Variants in WASHC2A observed in about 807,000 individuals in gnomAD.
WASHC2A encodes WASH complex subunit FAM21A.
Under a neutral mutation model 140.3 loss-of-function variants are expected in WASHC2A, and 82 were observed. That is an observed-to-expected ratio of 0.58 (90% CI 0.49 to 0.70). The LOEUF (loss-of-function observed/expected upper bound fraction) is 0.70. WASHC2A is among the 30% of genes least tolerant of loss of function. WASHC2A has a pLI of 0.00. For synonymous variants in WASHC2A, 340 were observed against 560.8 expected, an observed-to-expected ratio of 0.61 and a Z score of 5.56; for missense variants, 985 against 1,521.8, an observed-to-expected ratio of 0.65 and a Z score of 5.87.
intron 8 of WASHC2A, among the ~76,000 whole-genome samples, chr10:50,088,402 G>A (rs1220883445): frequency 6.7e-6 from 1 of 148,368 alleles, no homozygotes; most frequent in Admixed American, 6.8e-5. Flanking sequence ...GAGTAGCTGG[G>A]ACTATGGGTG....
intron 23 of WASHC2A, among the ~76,000 whole-genome samples, chr10:50,122,812 C>T (rs2133036213): frequency 1.3e-5 from 1 of 74,794 alleles, no homozygotes; most frequent in East Asian, 4.9e-4. Context: ...TCCTATAGTT[C>T]TATCTCCTTG....
chr10:50,098,427 A>T (rs1484780767), intron 16 of WASHC2A, among the ~76,000 whole-genome samples: 1 of 140,348 alleles, frequency 7.1e-6, no homozygotes, highest in Non-Finnish European at 1.6e-5. Flanking sequence ...GATCCCTCAC[A>T]TGCACAGTTC....
At chr10:50,107,282 TAGG>T (rs1841873669) in intron 19 of WASHC2A, among the ~76,000 whole-genome samples, 1 of 123,272 alleles carries the variant, frequency 8.1e-6, no homozygotes, top group Non-Finnish European at 1.7e-5. Flanking sequence ...GAACTATAGT[TAGG>T]AGGAGTTACC....
rs1390312941 is a variant in WASHC2A at position 50,133,064 on chromosome 10, C to T, written c.*119C>T. On this transcript the variant is annotated 3_prime_UTR_variant, in exon 31 of 31. Transcript: ENST00000282633. ...GCAAATACTAGAACAGCTAGCTCAT[C>T]GTTCACCCAATGTACTTGGTATTTT... is the stretch of plus-strand genomic sequence containing the variant. The T allele has an allele frequency of 1.6e-5, 25 of 1,582,702 alleles. No homozygotes were observed. Among genetic ancestry groups the T allele is most frequent in the Non-Finnish European group, 1.8e-5 (21 of 1,163,354 alleles).
At chr10:50,091,583 C>G in intron 10 of WASHC2A, 65 bp downstream of exon 10, 3 of 1,523,662 alleles carry the variant, frequency 2.0e-6, no homozygotes, top group Non-Finnish European at 2.7e-6. Context: ...GCTGGCTTCA[C>G]CAAAGGCGGA....
intron 16 of WASHC2A, among the ~76,000 whole-genome samples, chr10:50,098,411 A>G (rs1424051141): frequency 6.7e-6 from 1 of 149,082 alleles, no homozygotes. Flanking sequence ...TGCAACCTGC[A>G]ATCTAGATCC....
intron 17 of WASHC2A, among the ~76,000 whole-genome samples, chr10:50,100,310 A>T (rs368061592): frequency 8.4e-4 from 126 of 149,922 alleles, no homozygotes; most frequent in African/African-American, 1.2e-3. Flanking sequence ...GATGAAACCC[A>T]GTCTCTATTA....
Position 50,132,824 on chromosome 10 carries a change from G to T in WASHC2A, c.3905G>T (p.Gly1302Val). The change falls in exon 31 of 31, where the codon GGT becomes GTT. Residue 1302 changes from glycine (G) to valine (V), a missense_variant. Gly to Val is a moderately radical substitution (Grantham distance 109). Transcript: ENST00000282633. The stretch of plus-strand genomic sequence containing the variant: ...TCTAAAGATGACATCTTCTCCTCTG[G>T]TATCCAGGCTAAGACAACCAAACCA... Reference protein sequence around the residue: ...DDDMDDIFSSGIQAKTTKPKS... With the variant: ...DDDMDDIFSSVIQAKTTKPKS... The T allele has an allele frequency of 1.2e-6, 2 of 1,611,900 alleles. No homozygotes were observed. Among genetic ancestry groups the T allele is most frequent in the Non-Finnish European group, 1.7e-6 (2 of 1,179,852 alleles).
intron 16 of WASHC2A, among the ~76,000 whole-genome samples, chr10:50,098,194 G>T (rs1280920879): frequency 6.6e-6 from 1 of 151,992 alleles, no homozygotes; most frequent in Non-Finnish European, 1.5e-5. Flanking sequence ...GAGACTAACA[G>T]TAATTCTATA....
At chr10:50,131,220 G>T (rs1843937074) in intron 30 of WASHC2A, 142 bp downstream of exon 30, 1 of 723,800 alleles carries the variant, frequency 1.4e-6, no homozygotes, top group Admixed American at 2.0e-5. Flanking sequence ...TTAGGCTGAA[G>T]ATAGGTAAGA....
chr10:50,112,078 G>A lies in WASHC2A; in HGVS notation c.2039+1808G>A, dbSNP rs1284580895. The A allele has an allele frequency of 4.1e-6, 4 of 984,948 alleles. No homozygotes were observed. The Admixed American group carries it at 2.5e-4, about 61-fold the overall frequency. The allele number at this position is 984,948 out of a possible 1,614,324, so 61.0% of individuals were successfully genotyped here. A position where few individuals can be genotyped will look rare whatever the true frequency, so the allele number is the denominator to read the frequency against. ...AAACAGACGAGAAAGAGAAGAAGTA[G>A]GGAGTCGAGGGCGGTCATGGCTCCA... On this transcript the variant is annotated intron_variant, in intron 20 of 30. Coordinates refer to ENST00000282633, the MANE Select transcript of WASHC2A (RefSeq NM_001005751.3).
chr10:50,102,568 C>A (rs1841307235), intron 17 of WASHC2A, among the ~76,000 whole-genome samples: 1 of 151,680 alleles, frequency 6.6e-6, no homozygotes, highest in African/African-American at 2.4e-5. Context: ...ACCCATGGGA[C>A]TCCGGGGAGC....
At chr10:50,131,783 A>G (rs1843997691) in intron 30 of WASHC2A, among the ~76,000 whole-genome samples, 1 of 152,238 alleles carries the variant, frequency 6.6e-6, no homozygotes, top group Non-Finnish European at 1.5e-5. Context: ...GCCTCCAGCA[A>G]GCCGTGTGCT....
intron 3 of WASHC2A, 45 bp from the exon 4 acceptor site, chr10:50,078,630 A>T (rs1554878869): frequency 6.2e-7 from 1 of 1,611,798 alleles, no homozygotes; most frequent in East Asian, 2.2e-5. Flanking sequence ...ATTTATTTCC[A>T]ATGACGTGTT....
At chr10:50,128,238 T>C (rs1168959941) in intron 28 of WASHC2A, among the ~76,000 whole-genome samples, 4 of 151,964 alleles carry the variant, frequency 2.6e-5, no homozygotes, top group Non-Finnish European at 4.4e-5. Context: ...CTTCACACTT[T>C]CCAGCCTGAC....
intron 30 of WASHC2A, 134 bp from the exon 31 acceptor site, chr10:50,132,672 G>A (rs1486320416): frequency 3.4e-6 from 5 of 1,463,302 alleles, no homozygotes; most frequent in Non-Finnish European, 9.5e-7. Context: ...TAAGAGGCTT[G>A]AGTTCTAGGT....
At chr10:50,088,468 A>G (rs1480152475) in intron 8 of WASHC2A, among the ~76,000 whole-genome samples, 6 of 151,626 alleles carry the variant, frequency 4.0e-5, no homozygotes, top group Non-Finnish European at 8.8e-5. Context: ...GGGTCTTCCC[A>G]TGTTTCCCAG....
chr10:50,095,834 A>T (rs1840451261), intron 15 of WASHC2A, 56 bp downstream of exon 15: 1 of 1,552,332 alleles, frequency 6.4e-7, no homozygotes, highest in South Asian at 1.2e-5. Context: ...ACGTTGCCTA[A>T]AAAGAACATA....
In WASHC2A at chr10:50,109,991, T is replaced by C. The variant is rs1472662959; in HGVS notation, c.1870-110T>C. ...TTCACCATGTTAGCAAGGATGGTCT[T>C]GATCTGCTGATCTCGTGATTCACCC... On this transcript the variant is annotated intron_variant, in intron 19 of 30. Transcript: ENST00000282633. The C allele has an allele frequency of 2.9e-4, 335 of 1,158,226 alleles. 8 individuals carry two copies. The highest frequency in any genetic ancestry group is 3.6e-4 in the Non-Finnish European group (293 of 809,806). The allele number at this position is 1,158,226 out of a possible 1,614,324, so 71.7% of individuals were successfully genotyped here.
Sources: gnomAD v4.1 joint callset for allele counts (sites outside exome capture counted in the v4.1 genomes callset) on GRCh38, gnomAD v4.1.1 for gene constraint, MANE v1.5 for transcripts, NCBI Gene and HGNC (gene_info 2026-07-23, HGNC 2026-07-21) for gene names.